DLGAP1: variants seen among roughly 807,000 people sequenced by gnomAD.
The protein encoded by DLGAP1 is DLG associated protein 1.
DLGAP1 carries 11 observed loss-of-function variants against 90.8 expected under a neutral mutation model. That is an observed-to-expected ratio of 0.12 (90% CI 0.08 to 0.20). The LOEUF (loss-of-function observed/expected upper bound fraction) is 0.20. DLGAP1 is among the 10% of genes least tolerant of loss of function. The probability of loss-of-function intolerance (pLI) is 1.00; values close to 1 mark genes in which losing one functional copy is unlikely to be tolerated. For synonymous variants in DLGAP1, 558 were observed against 540.7 expected (o/e 1.03, Z -0.44); for missense variants, 1,050 against 1,333.8 (o/e 0.79, Z 3.31).
intron 4 of DLGAP1, among the ~76,000 whole-genome samples, chr18:3,828,738 T>C (rs1432581418): frequency 8.8e-5 from 13 of 147,158 alleles, no homozygotes; most frequent in Admixed American, 8.1e-4. Flanking sequence ...ATAATTTACA[T>C]AGTATTCAAT....
At chr18:4,418,606 T>A (rs750952185) in intron 1 of DLGAP1, among the ~76,000 whole-genome samples, 27 of 152,044 alleles carry the variant, frequency 1.8e-4, no homozygotes, top group African/African-American at 5.6e-4. Context: ...CTCAACATAG[T>A]TGAAGAAAGA....
rs1005898581 is a variant in DLGAP1, at chr18:3,833,907, A to C, written c.958-19634T>G. On this transcript the variant is annotated intron_variant, in intron 4 of 12. Transcript: ENST00000315677. ...GCATTAATTTGATTAGCAATGAAAA[A>C]CTCAGAATCCATTTCTAAAGAAGTT... Among the ~76,000 whole-genome samples, 5 of 152,300 alleles carry C rather than the reference A, an allele frequency of 3.3e-5. No homozygotes were observed. In the East Asian group the frequency reaches 9.6e-4, roughly 29 times the overall value.
chr18:4,175,341 C>A (rs1315902582), intron 1 of DLGAP1, among the ~76,000 whole-genome samples: 3 of 152,022 alleles, frequency 2.0e-5, no homozygotes, highest in Non-Finnish European at 4.4e-5. Flanking sequence ...GGGTAGATTG[C>A]AAAAATTTTC....
chr18:4,088,564 T>C (rs956208277), intron 2 of DLGAP1, among the ~76,000 whole-genome samples: 3 of 152,196 alleles, frequency 2.0e-5, no homozygotes, highest in African/African-American at 4.8e-5. Flanking sequence ...ACCATTCTTG[T>C]AGCACTGTCT....
intron 1 of DLGAP1, among the ~76,000 whole-genome samples, chr18:4,389,951 C>T (rs1373505139): frequency 6.6e-6 from 1 of 152,158 alleles, no homozygotes; most frequent in African/African-American, 2.4e-5. Flanking sequence ...GATACTTCTA[C>T]TTCAAGATTA....
chr18:3,605,891 G>C (rs1386753710), intron 7 of DLGAP1, among the ~76,000 whole-genome samples: 2 of 152,130 alleles, frequency 1.3e-5, no homozygotes, highest in Non-Finnish European at 2.9e-5. Flanking sequence ...GTTTACCGAG[G>C]ACACTGAGTG....
At chr18:3,942,242 A>G (rs1649908301) in intron 3 of DLGAP1, among the ~76,000 whole-genome samples, 1 of 152,192 alleles carries the variant, frequency 6.6e-6, no homozygotes, top group African/African-American at 2.4e-5. Context: ...TGTTTCCAGT[A>G]TGTTCCCACA....
intron 3 of DLGAP1, among the ~76,000 whole-genome samples, chr18:4,002,211 G>A (rs1388631397): frequency 2.6e-5 from 4 of 152,072 alleles, no homozygotes; most frequent in East Asian, 1.9e-4. Context: ...TTTTAGCAAC[G>A]AAACTTTTAA....
intron 2 of DLGAP1, among the ~76,000 whole-genome samples, chr18:4,092,687 C>A (rs1598389491): frequency 6.6e-6 from 1 of 152,112 alleles, no homozygotes; most frequent in South Asian, 2.1e-4. Flanking sequence ...CAGGGGCAGG[C>A]CAGATGGTGC....
At chr18:4,097,245 G>A (rs1055093772) in intron 2 of DLGAP1, among the ~76,000 whole-genome samples, 2 of 152,162 alleles carry the variant, frequency 1.3e-5, no homozygotes, top group African/African-American at 2.4e-5. Flanking sequence ...GTCCGTGGTG[G>A]GGATCTGATT....
chr18:3,742,949 TCTTC>T (rs143048862), intron 5 of DLGAP1, among the ~76,000 whole-genome samples: 10,639 of 142,682 alleles, frequency 0.075, 448 homozygotes, highest in African/African-American at 0.12. Context: ...TATCAATTTA[TCTTC>T]CTTCCTTCCT....
intron 3 of DLGAP1, among the ~76,000 whole-genome samples, chr18:3,886,007 C>A (rs571169583): frequency 7.9e-5 from 12 of 152,278 alleles, no homozygotes; most frequent in African/African-American, 2.9e-4. Flanking sequence ...GCAAAGCTGG[C>A]AAGTCCTTAT....
intron 9 of DLGAP1, among the ~76,000 whole-genome samples, chr18:3,560,482 C>T (rs929284675): frequency 2.1e-5 from 3 of 142,562 alleles, no homozygotes; most frequent in South Asian, 2.2e-4. Context: ...CCCAGCCACT[C>T]GGGAGGCTGA....
At chr18:4,163,701 A>G (rs2076885552) in intron 1 of DLGAP1, among the ~76,000 whole-genome samples, 1 of 152,130 alleles carries the variant, frequency 6.6e-6, no homozygotes, top group Admixed American at 6.5e-5. Flanking sequence ...AAATGCTGGG[A>G]GCCTCTTTTT....
chr18:3,709,332 T>G (rs1241387652), intron 7 of DLGAP1, among the ~76,000 whole-genome samples: 3 of 152,168 alleles, frequency 2.0e-5, no homozygotes, highest in Non-Finnish European at 4.4e-5. Flanking sequence ...TTCCTAAGAC[T>G]GAAGAATGTA....
At chr18:3,615,413 G>A (rs775681605) in intron 7 of DLGAP1, among the ~76,000 whole-genome samples, 1 of 152,108 alleles carries the variant, frequency 6.6e-6, no homozygotes, top group African/African-American at 2.4e-5. Context: ...TAACAAATAG[G>A]CTTCAGGACG....
chr18:3,947,191 T>A (rs1482063360), intron 3 of DLGAP1, among the ~76,000 whole-genome samples: 1 of 152,150 alleles, frequency 6.6e-6, no homozygotes, highest in African/African-American at 2.4e-5. Context: ...CAACCTAAGA[T>A]CTTTTTAGGG....
intron 1 of DLGAP1, among the ~76,000 whole-genome samples, chr18:4,287,763 A>C (rs759124042): frequency 6.6e-6 from 1 of 152,130 alleles, no homozygotes; most frequent in Non-Finnish European, 1.5e-5. Flanking sequence ...TGATGGGTTG[A>C]TGGATGCAGC....
At chr18:4,335,626 C>A in intron 1 of DLGAP1, among the ~76,000 whole-genome samples, 1 of 149,674 alleles carries the variant, frequency 6.7e-6, no homozygotes, top group African/African-American at 2.6e-5. Flanking sequence ...GAAACAAGGT[C>A]CTCTTTCAAA....
Sources: allele counts gnomAD v4.1 joint callset (sites outside exome capture counted in the v4.1 genomes callset), GRCh38; gene constraint gnomAD v4.1.1; transcripts MANE v1.5; gene names NCBI Gene and HGNC (gene_info 2026-07-23, HGNC 2026-07-21).